Variants in SENP3 observed in about 807,000 individuals in gnomAD.
SENP3 encodes the protein SUMO specific peptidase 3, also known as sentrin-specific protease 3.
A neutral mutation model predicts 66.2 loss-of-function variants in SENP3; 11 were observed. That is an observed-to-expected ratio of 0.17 (90% CI 0.10 to 0.28). The LOEUF (loss-of-function observed/expected upper bound fraction) is 0.28. Ranked by LOEUF, SENP3 falls within the 10% of genes least tolerant of loss-of-function variation. SENP3 has a pLI of 1.00. For missense variants in SENP3, 548 were observed against 743.7 expected, an observed-to-expected ratio of 0.74 and a Z score of 3.06; for synonymous variants, 292 against 277.6, an observed-to-expected ratio of 1.05 and a Z score of -0.52.
rs2071319948 is a variant in SENP3 at position 7,571,842 on chromosome 17, TATATATATATATATATA to T, written c.*360_*376del. The T allele has an allele frequency of 9.5e-4, 19 of 19,950 alleles. 1 individual carries two copies. The highest frequency in any genetic ancestry group is 1.3e-3 in the Non-Finnish European group (17 of 13,056). The allele number at this position is 19,950 out of a possible 1,614,324, so 1.2% of individuals were successfully genotyped here. A position where few individuals can be genotyped will look rare whatever the true frequency, so the allele number is the denominator to read the frequency against. On this transcript the variant is annotated 3_prime_UTR_variant, in exon 11 of 11. Transcript: ENST00000321337. Reference sequence around the variant, plus strand: ...CCTGCCAGATCTTCAAACTTTTATATATATATATATATATATATATATATATATATATATATATATAT... The same window carrying T: ...CCTGCCAGATCTTCAAACTTTTATATTATATATATATATATATATATATAT...
intron 2 of SENP3, 37 bp downstream of exon 2, chr17:7,563,828 G>A (rs1044664930): frequency 8.1e-6 from 12 of 1,479,354 alleles, no homozygotes; most frequent in Non-Finnish European, 1.1e-5. Context: ...GCGGGGGAGG[G>A]GTTAGGGAGG....
intron 3 of SENP3, 38 bp from the exon 4 acceptor site, chr17:7,564,921 C>G: frequency 6.2e-7 from 1 of 1,607,928 alleles, no homozygotes; most frequent in Non-Finnish European, 8.5e-7. Flanking sequence ...AGAGGAGAGT[C>G]TGGAGGCCTC....
chr17:7,571,341 G>A, intron 10 of SENP3, 32 bp from the exon 11 acceptor site: 3 of 1,478,322 alleles, frequency 2.0e-6, no homozygotes, highest in Non-Finnish European at 1.9e-6. Context: ...TGACACGGGG[G>A]GTTTCTCATG....
rs780108548 is a variant in SENP3 at position 7,570,927 on chromosome 17, G to A, written c.1608G>A (p.Val536=). The A allele has an allele frequency of 6.2e-7, 1 of 1,613,294 alleles. No homozygotes were observed. The highest frequency in any genetic ancestry group is 8.5e-7 in the Non-Finnish European group (1 of 1,179,654). ...ATGACAGTGACTGTGGTGCTTTTGT[G>A]TTGCAGGTAAGCAGATGATGGGGCC... ...QNNDSDCGAF[V]LQYCKHLALS... Residue 536 remains valine, a synonymous_variant, in exon 10 of 11, where the codon GTG becomes GTA. Transcript: ENST00000321337. This position sits in a 1 kb window ranked among gnomAD's most constrained non-coding sequence, Gnocchi z 5.4.
At chr17:7,567,937 A>G (rs28655557) in intron 7 of SENP3, among the ~76,000 whole-genome samples, 20,965 of 151,922 alleles carry the variant, frequency 0.14, 1,567 homozygotes, top group South Asian at 0.16. Context: ...AGAGCACAGT[A>G]GTCCAGGTGA....
intron 4 of SENP3, 29 bp from the exon 5 acceptor site, chr17:7,565,411 T>G (rs1312901988): frequency 6.2e-7 from 1 of 1,611,854 alleles, no homozygotes; most frequent in Non-Finnish European, 8.5e-7. Context: ...GCATCATCTT[T>G]TGTGTGACTC....
chr17:7,566,826 C>T lies in SENP3; in HGVS notation c.1264-101C>T, dbSNP rs921714523. ...CTCTACCAAAAAAAAAAGAAAAAAC[C>T]CAGAATTTGTTTTTACTGTCAGTGG... On this transcript the variant is annotated intron_variant, in intron 6 of 10. Coordinates refer to ENST00000321337, the MANE Select transcript of SENP3 (RefSeq NM_015670.6). The T allele has an allele frequency of 5.6e-6, 5 of 888,210 alleles. No homozygotes were observed. The Admixed American group carries it at 6.9e-5, about 12-fold the overall frequency. 55.0% of individuals were successfully genotyped at this position (888,210 alleles called of 1,614,324 possible). A position where few individuals can be genotyped will look rare whatever the true frequency, so the allele number is the denominator to read the frequency against.
rs776329218 is a variant in SENP3 at position 7,563,820 on chromosome 17, G to C, written c.715+29G>C. 8.2e-6 allele frequency: 12 copies of C among 1,457,672 alleles called. No homozygotes were observed. In the South Asian group the frequency reaches 1.2e-4, roughly 15 times the overall value. 90.3% of individuals were successfully genotyped at this position (1,457,672 alleles called of 1,614,324 possible). ...AGGTGGGAAAGGGGTGTGGGGTTGC[G>C]GGGGAGGGGTTAGGGAGGGTTAAGA... On this transcript the variant is annotated intron_variant, in intron 2 of 10. Coordinates refer to ENST00000321337, the MANE Select transcript of SENP3 (RefSeq NM_015670.6).
chr17:7,564,308 T>C, intron 2 of SENP3: 1 of 467,886 alleles, frequency 2.1e-6, no homozygotes, highest in Non-Finnish European at 4.0e-6. Flanking sequence ...GCCTTTACAA[T>C]ATGCTGGGTA....
Position 7,571,754 on chromosome 17 carries a change from C to G in SENP3, c.*271C>G, listed in dbSNP as rs1161050628. ...GCCTGGGTGGAGCAGTCATCCTCCC[C>G]CTTCCCCGTGCAGGGAGCAGGAAAT... On this transcript the variant is annotated 3_prime_UTR_variant, in exon 11 of 11. Transcript: ENST00000321337. The G allele has an allele frequency of 2.1e-5, 5 of 242,090 alleles. No individual in the cohort carries two copies. Among genetic ancestry groups the G allele is most frequent in the Admixed American group, 1.7e-4 (3 of 17,238 alleles). 15.0% of individuals were successfully genotyped at this position (242,090 alleles called of 1,614,324 possible). A position where few individuals can be genotyped will look rare whatever the true frequency, so the allele number is the denominator to read the frequency against.
chr17:7,571,521 GGA>G lies in SENP3; in HGVS notation c.*41_*42del. The G allele has an allele frequency of 1.4e-6, 2 of 1,406,870 alleles. No individual in the cohort carries two copies. Among genetic ancestry groups the G allele is most frequent in the Non-Finnish European group, 2.0e-6 (2 of 994,868 alleles). 87.1% of individuals were successfully genotyped at this position (1,406,870 alleles called of 1,614,324 possible). On this transcript the variant is annotated 3_prime_UTR_variant, in exon 11 of 11. Transcript: ENST00000321337. ...AGACCCCAAGCCCATAAATGGGAAGGGAGACATGGGAGTCCCTTCCCAAGAAA... is the reference window on the plus strand; with the variant it reads ...AGACCCCAAGCCCATAAATGGGAAGGGACATGGGAGTCCCTTCCCAAGAAA...
chr17:7,562,026 G>C lies in SENP3; in HGVS notation c.-249G>C, dbSNP rs2071219258. ...CGGCGGCGGTGGCGCTGGTGGCGGC[G>C]GTGGCGGAGGTGGAGGTGGAGGTGG... On this transcript the variant is annotated 5_prime_UTR_variant, in exon 1 of 11. Transcript: ENST00000321337. The surrounding 1 kb of genome is among the most constrained non-coding windows in gnomAD (Gnocchi z 5.0). 2.5e-6 allele frequency: 1 copy of C among 400,390 alleles called. No homozygotes were observed. The highest frequency in any genetic ancestry group is 1.2e-4 in the South Asian group (1 of 8,584). The allele number at this position is 400,390 out of a possible 1,614,324, so 24.8% of individuals were successfully genotyped here.
intron 4 of SENP3, 35 bp downstream of exon 4, chr17:7,565,105 G>T: frequency 1.4e-6 from 2 of 1,430,972 alleles, no homozygotes; most frequent in East Asian, 2.3e-5. Flanking sequence ...AAGAAGGGCT[G>T]GGGCCTTGGG....
chr17:7,567,888 A>G (rs2071280397), intron 7 of SENP3, among the ~76,000 whole-genome samples: 1 of 152,196 alleles, frequency 6.6e-6, no homozygotes, highest in South Asian at 2.1e-4. Flanking sequence ...TCCTGTTTCA[A>G]TGACAGATTG....
At position 7,571,427 on chromosome 17, in the gene SENP3, C is replaced by T; in HGVS notation, c.1669C>T (p.Pro557Ser). The T allele has an allele frequency of 6.2e-7, 1 of 1,608,332 alleles. No individual in the cohort carries two copies. Among genetic ancestry groups the T allele is most frequent in the Admixed American group, 1.7e-5 (1 of 59,184 alleles). Residue 557 changes from proline (P) to serine (S), a missense_variant, in exon 11 of 11, where the codon CCC becomes TCC. By Grantham distance (74) the Pro-to-Ser change is moderately conservative. Transcript: ENST00000321337. Reference protein sequence around the residue: ...QPFSFTQQDMPKLRRQIYKEL... With the variant: ...QPFSFTQQDMSKLRRQIYKEL... ...ATTCAGCTTCACCCAGCAGGACATG[C>T]CCAAACTTCGTCGGCAGATCTACAA...
rs2071242235 is a variant in SENP3 at position 7,563,630 on chromosome 17, G to A, written c.554G>A (p.Arg185His). ...CCACAGGTGCCATCCCCCTGTTGTC[G>A]TTTTGACTCCCCCCGGGGGCCACCT... The part of the protein sequence containing the change: ...ATPQVPSPCC[R>H]FDSPRGPPPP... Residue 185 changes from arginine to histidine, a missense_variant, in exon 2 of 11, where the codon CGT (arginine) becomes CAT (histidine). By Grantham distance (29) the Arg-to-His change is conservative. This residue lies in a region of SENP3 where 215 missense variants were observed against 230.7 expected (regional missense o/e 0.93). Coordinates refer to ENST00000321337, the MANE Select transcript of SENP3 (RefSeq NM_015670.6). 8.1e-6 allele frequency: 13 copies of A among 1,603,592 alleles called. No individual in the cohort carries two copies. The highest frequency in any genetic ancestry group is 1.1e-5 in the Non-Finnish European group (13 of 1,175,640).
intron 7 of SENP3, among the ~76,000 whole-genome samples, chr17:7,567,689 A>AACAGAGGGC (rs978322246): frequency 6.6e-6 from 1 of 152,148 alleles, no homozygotes; most frequent in Non-Finnish European, 1.5e-5. Flanking sequence ...ATGGCTGAGG[A>AACAGAGGGC]ACAGAGGGCT....
chr17:7,567,712 C>T (rs1391401136), intron 7 of SENP3, among the ~76,000 whole-genome samples: 1 of 151,956 alleles, frequency 6.6e-6, no homozygotes, highest in East Asian at 1.9e-4. Context: ...TGGGGGTGAC[C>T]TGTGTAGTTG....
rs146739753 is a variant in SENP3, at chr17:7,568,326, G to A, written c.1341+1322G>A. ...TAAAAACCGGAAAGGGGCCGGGTGC[G>A]GCGGCTCACGCCTGTACTCCCGGCA... is the stretch of plus-strand genomic sequence containing the variant. On this transcript the variant is annotated intron_variant, in intron 7 of 10. Coordinates refer to ENST00000321337, the MANE Select transcript of SENP3 (RefSeq NM_015670.6). Among the ~76,000 whole-genome samples the A allele has an allele frequency of 7.5e-4, 115 of 152,366 alleles. 1 individual carries two copies. The highest frequency in any genetic ancestry group is 8.5e-4 in the Non-Finnish European group (58 of 68,034).
Sources: gnomAD v4.1 joint callset for allele counts (sites outside exome capture counted in the v4.1 genomes callset) on GRCh38, gnomAD v4.1.1 for gene constraint, gnomAD v4.1.1 regional missense constraint, Gnocchi (gnomAD v3.1) non-coding constraint, MANE v1.5 for transcripts, NCBI Gene and HGNC (gene_info 2026-07-23, HGNC 2026-07-21) for gene names.